SUSD1: variants seen among roughly 807,000 people sequenced by gnomAD.
SUSD1 encodes the protein sushi domain containing 1.
SUSD1 carries 65 observed loss-of-function variants against 86.9 expected under a neutral mutation model. That is an observed-to-expected ratio of 0.75 (90% CI 0.61 to 0.92). SUSD1 has a LOEUF of 0.92. Among genes scored for constraint, SUSD1 ranks in the 40% least tolerant of loss-of-function variants. The pLI is 0.00. For missense variants in SUSD1, 850 were observed against 929.7 expected, an observed-to-expected ratio of 0.91 and a Z score of 1.11; for synonymous variants, 346 against 350.0, an observed-to-expected ratio of 0.99 and a Z score of 0.13.
intron 15 of SUSD1, among the ~76,000 whole-genome samples, chr9:112,045,063 G>A (rs1827897098): frequency 6.6e-6 from 1 of 152,132 alleles, no homozygotes; most frequent in African/African-American, 2.4e-5. Flanking sequence ...TGCAAATTAA[G>A]GCATTAAGAT....
chr9:112,095,007 T>C (rs1830338994), intron 10 of SUSD1, among the ~76,000 whole-genome samples: 1 of 152,096 alleles, frequency 6.6e-6, no homozygotes, highest in African/African-American at 2.4e-5. Flanking sequence ...TTAAACAAGG[T>C]CCAGGGAGAA....
chr9:112,134,533 A>G (rs1430671421), intron 5 of SUSD1, among the ~76,000 whole-genome samples: 1 of 152,150 alleles, frequency 6.6e-6, no homozygotes, highest in South Asian at 2.1e-4. Context: ...ACGTTCTCAC[A>G]TATAAGTGGG....
At chr9:112,119,084 T>C (rs1424471977) in intron 6 of SUSD1, among the ~76,000 whole-genome samples, 1 of 152,204 alleles carries the variant, frequency 6.6e-6, no homozygotes, top group Non-Finnish European at 1.5e-5. Flanking sequence ...TTGCTAATTA[T>C]TGAGTGACCA....
chr9:112,144,597 A>T (rs954372223), intron 3 of SUSD1, among the ~76,000 whole-genome samples: 1 of 152,212 alleles, frequency 6.6e-6, no homozygotes, highest in African/African-American at 2.4e-5. Context: ...ACGAAGTGAG[A>T]ACCTGTCTTA....
At chr9:112,061,182 T>C (rs1828708059) in intron 13 of SUSD1, among the ~76,000 whole-genome samples, 1 of 152,108 alleles carries the variant, frequency 6.6e-6, no homozygotes, top group South Asian at 2.1e-4. Flanking sequence ...ATCAGCAACC[T>C]CAGCAGAGAC....
intron 8 of SUSD1, among the ~76,000 whole-genome samples, chr9:112,109,697 G>A (rs1384278592): frequency 1.3e-5 from 2 of 152,164 alleles, no homozygotes; most frequent in Non-Finnish European, 2.9e-5. Flanking sequence ...AACAGCTGAC[G>A]CCAAACAGCA....
At position 112,080,168 on chromosome 9, in the gene SUSD1, G is replaced by GT. The variant is rs1829704069; in HGVS notation, c.1475-4dup. 6.2e-7 allele frequency: 1 copy of GT among 1,605,926 alleles called. No individual in the cohort carries two copies. The highest frequency in any genetic ancestry group is 1.1e-5 in the South Asian group (1 of 90,866). On this transcript the variant is annotated splice_region_variant and splice_polypyrimidine_tract_variant and intron_variant, in intron 10 of 16. Coordinates refer to ENST00000374270, the MANE Select transcript of SUSD1 (RefSeq NM_022486.5). ...AATGTTACTGATGGTCTGTTTTACT[G>GT]TAGTGGAAAAGAAATGAGAAATCAA...
chr9:112,091,668 T>A (rs1188426936), intron 10 of SUSD1, among the ~76,000 whole-genome samples: 1 of 152,224 alleles, frequency 6.6e-6, no homozygotes, highest in Non-Finnish European at 1.5e-5. Flanking sequence ...AGAATGGCTA[T>A]AAATCAACTA....
intron 5 of SUSD1, among the ~76,000 whole-genome samples, chr9:112,127,282 A>G (rs1831815985): frequency 6.6e-6 from 1 of 152,198 alleles, no homozygotes; most frequent in African/African-American, 2.4e-5. Context: ...CTGGGGCACA[A>G]GAATCACTTG....
chr9:112,172,932 T>C (rs1315956963), intron 1 of SUSD1, among the ~76,000 whole-genome samples: 1 of 152,230 alleles, frequency 6.6e-6, no homozygotes, highest in Non-Finnish European at 1.5e-5. Flanking sequence ...AGGGAGAATG[T>C]CTAGATAAGG....
chr9:112,060,584 A>G (rs1027740616), intron 13 of SUSD1, among the ~76,000 whole-genome samples: 1 of 152,228 alleles, frequency 6.6e-6, no homozygotes, highest in Non-Finnish European at 1.5e-5. Context: ...GGCGTAAGCC[A>G]CTGTGCCTGG....
At chr9:112,159,618 C>A (rs1026746803) in intron 1 of SUSD1, among the ~76,000 whole-genome samples, 1 of 151,956 alleles carries the variant, frequency 6.6e-6, no homozygotes, top group Non-Finnish European at 1.5e-5. Flanking sequence ...CTGGCATCCC[C>A]AAAAAAACAT....
chr9:112,158,894 T>C (rs190032557), intron 1 of SUSD1, among the ~76,000 whole-genome samples: 11 of 152,256 alleles, frequency 7.2e-5, no homozygotes, highest in African/African-American at 2.6e-4. Flanking sequence ...AGACACTCAA[T>C]ATATTTTTAT....
At chr9:112,082,563 T>C (rs1349575879) in intron 10 of SUSD1, among the ~76,000 whole-genome samples, 1 of 151,990 alleles carries the variant, frequency 6.6e-6, no homozygotes, top group African/African-American at 2.4e-5. Context: ...ATCTAGAAAC[T>C]GGAAAGGGCG....
chr9:112,060,841 T>C (rs4979078), intron 13 of SUSD1, among the ~76,000 whole-genome samples: 41,150 of 152,012 alleles, frequency 0.27, 7,533 homozygotes, highest in African/African-American at 0.52. Flanking sequence ...AGTACATCTT[T>C]AAATCCCTCT....
At chr9:112,075,763 AT>A (rs1829488902) in intron 12 of SUSD1, among the ~76,000 whole-genome samples, 1 of 152,094 alleles carries the variant, frequency 6.6e-6, no homozygotes, top group South Asian at 2.1e-4. Context: ...AATAATTAAT[AT>A]TTTTTATTAA....
intron 8 of SUSD1, 34 bp downstream of exon 8, chr9:112,111,620 T>C: frequency 6.2e-7 from 1 of 1,602,228 alleles, no homozygotes; most frequent in Non-Finnish European, 8.5e-7. Context: ...GCTTAGCATT[T>C]TCTAGGAGGA....
At chr9:112,135,855 G>C (rs1007064205) in intron 5 of SUSD1, among the ~76,000 whole-genome samples, 1 of 152,220 alleles carries the variant, frequency 6.6e-6, no homozygotes, top group Non-Finnish European at 1.5e-5. Context: ...CTTCACAATA[G>C]CTCTAAGGGA....
chr9:112,060,814 C>T (rs1366971450), intron 13 of SUSD1, among the ~76,000 whole-genome samples: 2 of 152,186 alleles, frequency 1.3e-5, no homozygotes, highest in African/African-American at 2.4e-5. Context: ...TGTTGCAGCA[C>T]CTCCATGCGG....
Sources: allele counts gnomAD v4.1 joint callset (sites outside exome capture counted in the v4.1 genomes callset), GRCh38; gene constraint gnomAD v4.1.1; transcripts MANE v1.5; gene names NCBI Gene and HGNC (gene_info 2026-07-23, HGNC 2026-07-21).